Variants in TFDP2 observed in about 807,000 individuals in gnomAD.
TFDP2 encodes transcription factor Dp-2 (E2F dimerization partner 2).
In TFDP2, 17 loss-of-function variants were observed where a neutral mutation model predicts 59.3. The ratio of observed to expected loss-of-function variants is 0.29; its 90% CI spans 0.20 to 0.43. TFDP2 has a LOEUF of 0.43. TFDP2 is among the 20% of genes least tolerant of loss of function. TFDP2 has a pLI of 1.00. For missense variants in TFDP2, 391 were observed against 528.8 expected (o/e 0.74, Z 2.56); for synonymous variants, 180 against 194.7 (o/e 0.92, Z 0.63).
chr3:142,140,596 T>G (rs1237130827), intron 1 of TFDP2, among the ~76,000 whole-genome samples: 3 of 152,228 alleles, frequency 2.0e-5, no homozygotes, highest in Non-Finnish European at 4.4e-5. Context: ...TTCTGTTTGT[T>G]AGTTTTCCTT....
chr3:142,033,278 T>C (rs1470616800), intron 3 of TFDP2, among the ~76,000 whole-genome samples: 1 of 152,256 alleles, frequency 6.6e-6, no homozygotes. Flanking sequence ...TCTATGGAGC[T>C]GCATGTGGCT....
chr3:142,105,483 C>A (rs1311319172), intron 1 of TFDP2, among the ~76,000 whole-genome samples: 1 of 152,056 alleles, frequency 6.6e-6, no homozygotes, highest in Non-Finnish European at 1.5e-5. Flanking sequence ...TTTTTTTGTG[C>A]CCAGAGCATA....
At chr3:141,992,739 T>A (rs1247160092) in intron 6 of TFDP2, among the ~76,000 whole-genome samples, 1 of 152,138 alleles carries the variant, frequency 6.6e-6, no homozygotes, top group South Asian at 2.1e-4. Flanking sequence ...AAAACACACA[T>A]CCTTTATACA....
intron 1 of TFDP2, among the ~76,000 whole-genome samples, chr3:142,117,829 G>A (rs1414395103): frequency 1.3e-5 from 2 of 152,206 alleles, no homozygotes; most frequent in Non-Finnish European, 2.9e-5. Flanking sequence ...AGGCACAGTG[G>A]CTCACGCCTG....
chr3:141,951,031 G>C lies in TFDP2; in HGVS notation c.*1482C>G, dbSNP rs899853432. The C allele has an allele frequency of 6.6e-6, 1 of 152,284 alleles. No individual in the cohort carries two copies. The highest frequency in any genetic ancestry group is 2.4e-5 in the African/African-American group (1 of 41,546). The allele number at this position is 152,284 out of a possible 1,614,324, so 9.4% of individuals were successfully genotyped here. ...CACCATGCTCAGTGTTAGCATGGTG[G>C]TGAGGCTATAAAGAGGCACCACAGG... On this transcript the variant is annotated 3_prime_UTR_variant, in exon 13 of 13. Coordinates refer to ENST00000489671, the MANE Select transcript of TFDP2 (RefSeq NM_001178139.2).
chr3:141,969,195 T>C (rs1389745782), intron 9 of TFDP2, among the ~76,000 whole-genome samples: 1 of 100,716 alleles, frequency 9.9e-6, no homozygotes, highest in Non-Finnish European at 1.9e-5. Context: ...ATATGAGATA[T>C]ATATATATAA....
intron 3 of TFDP2, among the ~76,000 whole-genome samples, chr3:142,048,204 C>T (rs1376766207): frequency 6.6e-6 from 1 of 151,936 alleles, no homozygotes; most frequent in East Asian, 1.9e-4. Flanking sequence ...TTCTTGAGCC[C>T]AGGAGTTCAA....
intron 3 of TFDP2, among the ~76,000 whole-genome samples, chr3:142,016,662 T>C (rs1945155887): frequency 6.6e-6 from 1 of 152,200 alleles, no homozygotes; most frequent in African/African-American, 2.4e-5. Flanking sequence ...TTCAATAAAA[T>C]CCATCATTAA....
intron 1 of TFDP2, among the ~76,000 whole-genome samples, chr3:142,109,652 T>A (rs2061588217): frequency 6.6e-6 from 1 of 152,066 alleles, no homozygotes; most frequent in African/African-American, 2.4e-5. Flanking sequence ...TTGAATGTCA[T>A]TTTTCTTTCA....
intron 1 of TFDP2, among the ~76,000 whole-genome samples, chr3:142,119,863 G>T (rs1577029820): frequency 6.6e-6 from 1 of 151,654 alleles, no homozygotes; most frequent in Non-Finnish European, 1.5e-5. Context: ...AGCCTGGCCA[G>T]CATGGTGAAA....
chr3:142,086,508 T>C (rs1342569962), intron 3 of TFDP2, among the ~76,000 whole-genome samples: 1 of 152,214 alleles, frequency 6.6e-6, no homozygotes, highest in African/African-American at 2.4e-5. Flanking sequence ...ACTTTACTTA[T>C]GTTTATCAGT....
chr3:142,114,412 T>G (rs1240399077), intron 1 of TFDP2, among the ~76,000 whole-genome samples: 1 of 152,150 alleles, frequency 6.6e-6, no homozygotes, highest in Non-Finnish European at 1.5e-5. Flanking sequence ...GAATATAAAG[T>G]ATTAAATAGT....
intron 3 of TFDP2, among the ~76,000 whole-genome samples, chr3:142,053,115 C>A (rs766129280): frequency 8.5e-5 from 13 of 152,158 alleles, no homozygotes; most frequent in Non-Finnish European, 1.6e-4. Context: ...GCCCAGATTT[C>A]TTAAATAGGA....
At chr3:141,969,218 TC>T in intron 9 of TFDP2, among the ~76,000 whole-genome samples, 1 of 100,652 alleles carries the variant, frequency 9.9e-6, no homozygotes, top group Non-Finnish European at 1.9e-5. Context: ...TATATATATA[TC>T]TCATATATAT....
intron 1 of TFDP2, among the ~76,000 whole-genome samples, chr3:142,118,571 A>C (rs2061926529): frequency 6.6e-6 from 1 of 152,204 alleles, no homozygotes; most frequent in Non-Finnish European, 1.5e-5. Flanking sequence ...GAAACAAACA[A>C]AAGGAACATC....
intron 3 of TFDP2, among the ~76,000 whole-genome samples, chr3:142,061,889 TACACACACACACACACAC>T (rs71153939): frequency 2.4e-4 from 19 of 79,880 alleles, no homozygotes; most frequent in African/African-American, 3.4e-4. Flanking sequence ...TCTCTCTCTC[TACACACACACACACACAC>T]ACACACACAC....
At chr3:142,053,573 G>A (rs1269625502) in intron 3 of TFDP2, among the ~76,000 whole-genome samples, 2 of 152,100 alleles carry the variant, frequency 1.3e-5, no homozygotes, top group Non-Finnish European at 2.9e-5. Context: ...ACAGACTGAT[G>A]TATCAAGATA....
chr3:141,980,489 A>T (rs1049633250), intron 6 of TFDP2, among the ~76,000 whole-genome samples: 3 of 152,126 alleles, frequency 2.0e-5, no homozygotes, highest in South Asian at 2.1e-4. Context: ...CAAATACTAG[A>T]TATTATTCAT....
chr3:142,105,504 C>CT (rs761607784), intron 1 of TFDP2, among the ~76,000 whole-genome samples: 1 of 152,138 alleles, frequency 6.6e-6, no homozygotes, highest in Non-Finnish European at 1.5e-5. Flanking sequence ...GTTGTGATGG[C>CT]TAGAGCTGCT....
Sources: allele counts gnomAD v4.1 joint callset (sites outside exome capture counted in the v4.1 genomes callset), GRCh38; gene constraint gnomAD v4.1.1; transcripts MANE v1.5; gene names NCBI Gene and HGNC (gene_info 2026-07-23, HGNC 2026-07-21).